GPALPP1: variants seen among roughly 807,000 people sequenced by gnomAD.
GPALPP1 encodes the protein GPALPP motifs-containing protein 1.
GPALPP1 carries 30 observed loss-of-function variants against 38.9 expected under a neutral mutation model. The observed-to-expected ratio is 0.77, with a 90% confidence interval of 0.58 to 1.05. GPALPP1 has a LOEUF of 1.05. Ranked by LOEUF, GPALPP1 falls within the 50% of genes least tolerant of loss-of-function variation. The pLI is 0.00. For synonymous variants in GPALPP1, 120 were observed against 139.2 expected (o/e 0.86, Z 0.97); for missense variants, 384 against 408.8 (o/e 0.94, Z 0.52).
At chr13:45,022,999 C>T (rs1348401948) in intron 7 of GPALPP1, among the ~76,000 whole-genome samples, 3 of 152,144 alleles carry the variant, frequency 2.0e-5, no homozygotes, top group Non-Finnish European at 4.4e-5. Flanking sequence ...TATGACCACA[C>T]CACTGCACTC....
chr13:45,019,089 GTA>G lies in GPALPP1; in HGVS notation c.706-1233_706-1232del, dbSNP rs1297326071. ...TATAAATATATACATATAAATATATGTATATATATTTATATATATTTATATGT... is the reference window on the plus strand; with the variant it reads ...TATAAATATATACATATAAATATATGTATATATTTATATATATTTATATGT... On this transcript the variant is annotated intron_variant, in intron 6 of 7. Coordinates refer to ENST00000379151, the MANE Select transcript of GPALPP1 (RefSeq NM_018559.5). 5.7e-4 allele frequency among the ~76,000 whole-genome samples: 63 copies of G among 110,594 alleles called. 4 individuals carry two copies. Among genetic ancestry groups the G allele is most frequent in the African/African-American group, 2.1e-3 (54 of 25,376 alleles). The allele number at this position is 110,594 out of a possible 152,430, so 72.6% of individuals were successfully genotyped here.
At chr13:45,027,084 C>T (rs934750137) in intron 7 of GPALPP1, among the ~76,000 whole-genome samples, 5 of 152,120 alleles carry the variant, frequency 3.3e-5, no homozygotes, top group African/African-American at 7.2e-5. Context: ...CCCAGGGATA[C>T]GTATACCCCA....
downstream of GPALPP1, among the ~76,000 whole-genome samples, chr13:45,032,815 T>C (rs902675191): frequency 1.1e-4 from 16 of 150,962 alleles, no homozygotes; most frequent in Admixed American, 7.3e-4. Context: ...GCAGGCGGAT[T>C]GCCTGAGCTC....
chr13:45,036,229 G>A (rs1876395594), exon 8 of GPALPP1: 1 of 152,166 alleles, frequency 6.6e-6, no homozygotes, highest in Non-Finnish European at 1.5e-5. Flanking sequence ...ACATCTACCA[G>A]CCAGTTGCTA....
intron 1 of GPALPP1, among the ~76,000 whole-genome samples, chr13:44,994,237 AAGG>A (rs1873080214): frequency 6.6e-6 from 1 of 150,746 alleles, no homozygotes; most frequent in East Asian, 1.9e-4. Context: ...AAAAAAAAAA[AAGG>A]GAGAGAGAAA....
At chr13:45,014,584 T>TTGTG (rs951729919) in intron 4 of GPALPP1, among the ~76,000 whole-genome samples, 1 of 151,670 alleles carries the variant, frequency 6.6e-6, no homozygotes, top group Non-Finnish European at 1.5e-5. Context: ...AAGAGTATGT[T>TTGTG]TGTGTGTGTG....
chr13:45,032,324 A>G (rs1876237771), downstream of GPALPP1, among the ~76,000 whole-genome samples: 1 of 152,150 alleles, frequency 6.6e-6, no homozygotes, highest in African/African-American at 2.4e-5. Context: ...GATGCTAGCA[A>G]CCTTGTTTAG....
Position 44,989,650 on chromosome 13 carries a change from C to T in GPALPP1, c.-5C>T, listed in dbSNP as rs1277103581. 1 of 1,611,094 alleles carries T rather than the reference C, an allele frequency of 6.2e-7. No homozygotes were observed. Among genetic ancestry groups the T allele is most frequent in the Non-Finnish European group, 8.5e-7 (1 of 1,178,220 alleles). ...CATATCTGTGACCAGTGTCCGCCAC[C>T]GCGGATGGCAAGAGACCTGATCGGA... is the stretch of plus-strand genomic sequence containing the variant. On this transcript the variant is annotated 5_prime_UTR_variant, in exon 1 of 8. Coordinates refer to ENST00000379151, the MANE Select transcript of GPALPP1 (RefSeq NM_018559.5).
chr13:45,036,697 C>T (rs997774967), exon 8 of GPALPP1: 8 of 152,172 alleles, frequency 5.3e-5, no homozygotes, highest in Admixed American at 2.6e-4. Context: ...GTAATCCCAG[C>T]ACTTCAAGAG....
intron 1 of GPALPP1, among the ~76,000 whole-genome samples, chr13:44,999,331 C>T (rs187031634): frequency 5.3e-5 from 8 of 152,170 alleles, no homozygotes; most frequent in East Asian, 3.9e-4. Context: ...ATATAAGGAA[C>T]GCGTAACTCC....
In GPALPP1 at chr13:45,027,943, A is replaced by G; in HGVS notation, c.963A>G (p.Ile321Met). 6.2e-7 allele frequency: 1 copy of G among 1,611,126 alleles called. No individual in the cohort carries two copies. Among genetic ancestry groups the G allele is most frequent in the East Asian group, 2.2e-5 (1 of 44,752 alleles). Reference protein sequence around the residue: ...RFDEAQKKALIKKSRELNTRF... With the variant: ...RFDEAQKKALMKKSRELNTRF... ...ATGAAGCTCAGAAAAAAGCCCTAAT[A>G]AAAAAATCTAGAGAACTAAACACCA... The change falls in exon 8 of 8, where the codon ATA becomes ATG. Residue 321 changes from isoleucine to methionine, a missense_variant. Transcript: ENST00000379151.
rs1360609550 is a variant in GPALPP1, at chr13:44,990,908, G to A, written c.88+1166G>A. ...AGTTCAAGACCAGCCTGGCCAACAT[G>A]TTGAAACCCCATCTCTACTAAAAAT... On this transcript the variant is annotated intron_variant, in intron 1 of 7. Transcript: ENST00000379151. Among the ~76,000 whole-genome samples the A allele has an allele frequency of 2.0e-5, 3 of 152,234 alleles. No individual in the cohort carries two copies. In the South Asian group the frequency reaches 6.2e-4, roughly 32 times the overall value.
chr13:45,025,752 T>C (rs1216931370), intron 7 of GPALPP1, among the ~76,000 whole-genome samples: 4 of 152,050 alleles, frequency 2.6e-5, no homozygotes, highest in African/African-American at 9.7e-5. Flanking sequence ...TATTTCTCCA[T>C]GCTCCGTGTA....
intron 6 of GPALPP1, among the ~76,000 whole-genome samples, chr13:45,015,846 C>T (rs1242540610): frequency 6.6e-6 from 1 of 152,038 alleles, no homozygotes; most frequent in Non-Finnish European, 1.5e-5. Context: ...GTATAATGGC[C>T]TTATTTTATA....
intron 1 of GPALPP1, among the ~76,000 whole-genome samples, chr13:44,996,085 T>C (rs755313057): frequency 6.6e-6 from 1 of 152,160 alleles, no homozygotes; most frequent in Non-Finnish European, 1.5e-5. Flanking sequence ...TCAGGCGCAG[T>C]GGCTCATGCC....
chr13:45,028,991 G>A lies in GPALPP1; in HGVS notation c.*988G>A, dbSNP rs766878801. On this transcript the variant is annotated 3_prime_UTR_variant, in exon 8 of 8. Coordinates refer to ENST00000379151, the MANE Select transcript of GPALPP1 (RefSeq NM_018559.5). The stretch of plus-strand genomic sequence containing the variant: ...GAGAATTGCTTGAACCCGGGAGGTG[G>A]AGGTTACAGTGAGCCGAGATCGTGC... 2.0e-5 allele frequency: 3 copies of A among 152,118 alleles called. No individual in the cohort carries two copies. The highest frequency in any genetic ancestry group is 4.4e-5 in the Non-Finnish European group (3 of 68,052). The allele number at this position is 152,118 out of a possible 1,614,324, so 9.4% of individuals were successfully genotyped here.
chr13:45,015,586 G>A lies in GPALPP1; in HGVS notation c.695G>A (p.Arg232Lys). 6.6e-7 allele frequency: 1 copy of A among 1,513,564 alleles called. No homozygotes were observed. 93.8% of individuals were successfully genotyped at this position (1,513,564 alleles called of 1,614,324 possible). A position where few individuals can be genotyped will look rare whatever the true frequency, so the allele number is the denominator to read the frequency against. Reference protein sequence around the residue: ...IWTDTPADRERKAKETQEARK... With the variant: ...IWTDTPADREKKAKETQEARK... ...ACAGATACTCCAGCTGATAGGGAAA[G>A]GAAAGCTAAGGTGAGAGGTTTTGTT... The change falls in exon 6 of 8, where the codon AGG becomes AAG. Residue 232 changes from arginine to lysine, a missense_variant. Coordinates refer to ENST00000379151, the MANE Select transcript of GPALPP1 (RefSeq NM_018559.5).
chr13:45,003,304 C>T (rs907517761), intron 1 of GPALPP1, among the ~76,000 whole-genome samples: 3 of 152,106 alleles, frequency 2.0e-5, no homozygotes, highest in Non-Finnish European at 4.4e-5. Flanking sequence ...TTCATAACAC[C>T]TAAGAACTCA....
Position 45,021,640 on chromosome 13 carries a change from TA to T in GPALPP1, c.804+1225del, listed in dbSNP as rs962109384. ...GTGAGACCTTGTCTCAAAAAAAACA[TA>T]AAAAAAAAAAAACCTGGAAATCAGA... On this transcript the variant is annotated intron_variant, in intron 7 of 7. Transcript: ENST00000379151. 1.4e-3 allele frequency among the ~76,000 whole-genome samples: 151 copies of T among 105,176 alleles called. 2 individuals are homozygous for T. Among genetic ancestry groups the T allele is most frequent in the Admixed American group, 4.8e-3 (53 of 11,020 alleles). 69.0% of individuals were successfully genotyped at this position (105,176 alleles called of 152,430 possible). A position where few individuals can be genotyped will look rare whatever the true frequency, so the allele number is the denominator to read the frequency against.
Sources: gnomAD v4.1 joint callset for allele counts (sites outside exome capture counted in the v4.1 genomes callset) on GRCh38, gnomAD v4.1.1 for gene constraint, MANE v1.5 for transcripts, NCBI Gene and HGNC (gene_info 2026-07-23, HGNC 2026-07-21) for gene names.